Variants in DENND1A observed in about 807,000 individuals in gnomAD.
The protein encoded by DENND1A is DENN domain containing 1A.
A neutral mutation model predicts 113.7 loss-of-function variants in DENND1A; 51 were observed. The ratio of observed to expected loss-of-function variants is 0.45; its 90% CI spans 0.36 to 0.57. The LOEUF (loss-of-function observed/expected upper bound fraction) is 0.57. Ranked by LOEUF, DENND1A falls within the 20% of genes least tolerant of loss-of-function variation. DENND1A has a pLI of 0.00. For missense variants in DENND1A, 1,258 were observed against 1,395.9 expected, an observed-to-expected ratio of 0.90 and a Z score of 1.57; for synonymous variants, 565 against 570.8, an observed-to-expected ratio of 0.99 and a Z score of 0.14.
intron 17 of DENND1A, among the ~76,000 whole-genome samples, chr9:123,451,661 A>G (rs1433954343): frequency 2.0e-5 from 3 of 152,168 alleles, no homozygotes; most frequent in Non-Finnish European, 4.4e-5. Flanking sequence ...CACCAGATAG[A>G]CCATGCTTCC....
chr9:123,702,796 C>A (rs965149235), intron 5 of DENND1A, among the ~76,000 whole-genome samples: 1 of 152,128 alleles, frequency 6.6e-6, no homozygotes. Context: ...ACCTGTCTTA[C>A]AAGCAGTGCC....
rs546001517 is a variant in DENND1A at position 123,516,884 on chromosome 9, C to CAAAAAAAAAA, written c.993+40676_993+40685dup. Among the ~76,000 whole-genome samples, 473 of 93,226 alleles carry CAAAAAAAAAA rather than the reference C, an allele frequency of 5.1e-3. 2 individuals are homozygous for CAAAAAAAAAA. Among genetic ancestry groups the CAAAAAAAAAA allele is most frequent in the African/African-American group, 7.6e-3 (123 of 16,160 alleles). The allele number at this position is 93,226 out of a possible 152,430, so 61.2% of individuals were successfully genotyped here. A position where few individuals can be genotyped will look rare whatever the true frequency, so the allele number is the denominator to read the frequency against. ...CTGGTGACAGAGTGAGACTCTGTCTCAAAAAAAAAAAAAAAAAAAAAAAAA... is the reference window on the plus strand; with the variant it reads ...CTGGTGACAGAGTGAGACTCTGTCTCAAAAAAAAAAAAAAAAAAAAAAAAAAAAAAAAAAA... On this transcript the variant is annotated intron_variant, in intron 13 of 23. Transcript: ENST00000394215.
At chr9:123,922,849 C>T (rs1856501158) in intron 1 of DENND1A, among the ~76,000 whole-genome samples, 1 of 152,210 alleles carries the variant, frequency 6.6e-6, no homozygotes, top group Admixed American at 6.5e-5. Flanking sequence ...GGAATGTCAC[C>T]TCTCTTTTCT....
intron 12 of DENND1A, among the ~76,000 whole-genome samples, chr9:123,568,733 T>C (rs1321774235): frequency 2.0e-5 from 3 of 151,948 alleles, no homozygotes. Flanking sequence ...GTGGATCACA[T>C]GGATACATCC....
chr9:123,594,633 G>T (rs1222793551), intron 11 of DENND1A, among the ~76,000 whole-genome samples: 1 of 151,722 alleles, frequency 6.6e-6, no homozygotes, highest in Non-Finnish European at 1.5e-5. Context: ...CCAGGGAGGG[G>T]AGACTTTCCT....
intron 3 of DENND1A, among the ~76,000 whole-genome samples, chr9:123,770,601 A>G (rs1829572669): frequency 6.6e-6 from 1 of 152,224 alleles, no homozygotes; most frequent in Non-Finnish European, 1.5e-5. Flanking sequence ...TTCATAGACC[A>G]ATGTTATAAA....
chr9:123,662,565 A>C (rs538879240), intron 8 of DENND1A, among the ~76,000 whole-genome samples: 11 of 152,324 alleles, frequency 7.2e-5, no homozygotes, highest in Non-Finnish European at 1.5e-5. Flanking sequence ...TGTCTCAAAA[A>C]AAGAAGAAGA....
At position 123,557,674 on chromosome 9, in the gene DENND1A, G is replaced by A; in HGVS notation, c.889C>T (p.Leu297=). Residue 297 remains leucine, a synonymous_variant, in exon 13 of 24, where the codon CTG becomes TTG. Coordinates refer to ENST00000394215, the MANE Select transcript of DENND1A (RefSeq NM_001352964.2). ...NDVISSLKNR[L]KKVSTTTGDG... ...CCAGTGGTTGTGGAGACCTTTTTCA[G>A]CCTGTTCTTCAGGGAAGAGATCTGG... is the stretch of plus-strand genomic sequence containing the variant. The A allele has an allele frequency of 6.2e-7, 1 of 1,613,962 alleles. No homozygotes were observed. The highest frequency in any genetic ancestry group is 8.5e-7 in the Non-Finnish European group (1 of 1,179,908).
chr9:123,658,020 C>A (rs985007010), intron 8 of DENND1A, among the ~76,000 whole-genome samples: 2 of 152,080 alleles, frequency 1.3e-5, no homozygotes, highest in African/African-American at 4.8e-5. Context: ...TCTCTATAAT[C>A]GCAGTTCTTG....
chr9:123,382,029 G>A lies in DENND1A; in HGVS notation c.2616C>T (p.Phe872=). The change falls in exon 24 of 24, where the codon TTC becomes TTT. Residue 872 remains phenylalanine (F), a synonymous_variant. Coordinates refer to ENST00000394215, the MANE Select transcript of DENND1A (RefSeq NM_001352964.2). The stretch of plus-strand genomic sequence containing the variant: ...CAGGGGGGAAGCTGAATTGGGGGGT[G>A]AATGGGGTGGCTACATTCGGGGTGG... The part of the protein sequence containing the change: ...RPATPNVATP[F]TPQFSFPPAG... The A allele has an allele frequency of 4.1e-6, 5 of 1,211,606 alleles. No homozygotes were observed. Among genetic ancestry groups the A allele is most frequent in the Non-Finnish European group, 5.4e-6 (5 of 918,496 alleles). 75.1% of individuals were successfully genotyped at this position (1,211,606 alleles called of 1,614,324 possible).
At chr9:123,406,342 AGTCCCCCCAAGGG>A (rs1471437763) in intron 20 of DENND1A, among the ~76,000 whole-genome samples, 1 of 152,224 alleles carries the variant, frequency 6.6e-6, no homozygotes, top group African/African-American at 2.4e-5. Flanking sequence ...ATACAGGGAA[AGTCCCCCCAAGGG>A]GTCTGGTACA....
At chr9:123,667,598 C>T (rs891192158) in intron 7 of DENND1A, among the ~76,000 whole-genome samples, 2 of 152,090 alleles carry the variant, frequency 1.3e-5, no homozygotes, top group Admixed American at 1.3e-4. Flanking sequence ...GCCTGGGCGA[C>T]AAGAATGAAA....
intron 5 of DENND1A, among the ~76,000 whole-genome samples, chr9:123,702,169 G>A (rs78486018): frequency 1.1e-4 from 16 of 151,632 alleles, no homozygotes; most frequent in Non-Finnish European, 2.2e-4. Context: ...AAATAAAAAC[G>A]CAATAGAGAA....
intron 11 of DENND1A, among the ~76,000 whole-genome samples, chr9:123,604,956 T>C (rs191559968): frequency 3.3e-5 from 5 of 152,322 alleles, no homozygotes; most frequent in Non-Finnish European, 7.4e-5. Flanking sequence ...GGGCATCTGA[T>C]AGGCATTATC....
intron 7 of DENND1A, among the ~76,000 whole-genome samples, chr9:123,667,509 C>T (rs1589589793): frequency 6.6e-6 from 1 of 151,968 alleles, no homozygotes. Context: ...CCCAGACACT[C>T]GGGAAGCTAA....
At chr9:123,578,353 A>G (rs1190553610) in intron 12 of DENND1A, among the ~76,000 whole-genome samples, 1 of 152,168 alleles carries the variant, frequency 6.6e-6, no homozygotes. Context: ...ACATGTGAAA[A>G]CAGCTGTTTT....
Position 123,540,797 on chromosome 9 carries a change from T to C in DENND1A, c.993+16773A>G, listed in dbSNP as rs112409701. Among the ~76,000 whole-genome samples, 555 of 152,330 alleles carry C rather than the reference T, an allele frequency of 3.6e-3. 6 individuals are homozygous for C. Among genetic ancestry groups the C allele is most frequent in the Middle Eastern group, 3.4e-3 (1 of 294 alleles). ...AAAGTCACCACCCTGACACATTGAA[T>C]TATCAGCTTTAGACTAAGAAGCAAG... On this transcript the variant is annotated intron_variant, in intron 13 of 23. Transcript: ENST00000394215.
chr9:123,915,193 A>G (rs1854867203), intron 1 of DENND1A, among the ~76,000 whole-genome samples: 1 of 152,166 alleles, frequency 6.6e-6, no homozygotes, highest in Non-Finnish European at 1.5e-5. Flanking sequence ...GACATTTAGC[A>G]TAATTTTCAA....
At chr9:123,839,911 C>T (rs928957169) in intron 2 of DENND1A, among the ~76,000 whole-genome samples, 29 of 151,920 alleles carry the variant, frequency 1.9e-4, no homozygotes, top group African/African-American at 6.0e-4. Flanking sequence ...AATGAGAAAC[C>T]GAAACTATTT....
Sources: gnomAD v4.1 joint callset for allele counts (sites outside exome capture counted in the v4.1 genomes callset) on GRCh38, gnomAD v4.1.1 for gene constraint, MANE v1.5 for transcripts, NCBI Gene and HGNC (gene_info 2026-07-23, HGNC 2026-07-21) for gene names.